The following CSPG5 variants were observed in gnomAD, a reference collection of about 807,000 sequenced individuals.
CSPG5 encodes chondroitin sulfate proteoglycan 5.
CSPG5 carries 25 observed loss-of-function variants against 39.8 expected under a neutral mutation model. The ratio of observed to expected loss-of-function variants is 0.63; its 90% CI spans 0.46 to 0.88. The LOEUF (loss-of-function observed/expected upper bound fraction) is 0.88. Ranked by LOEUF, CSPG5 falls within the 40% of genes least tolerant of loss-of-function variation. The pLI is 0.00. For synonymous variants in CSPG5, 295 were observed against 303.9 expected, an observed-to-expected ratio of 0.97 and a Z score of 0.31; for missense variants, 627 against 702.2, an observed-to-expected ratio of 0.89 and a Z score of 1.21.
At chr3:47,565,895 C>T (rs1178821882) in intron 4 of CSPG5, among the ~76,000 whole-genome samples, 1 of 152,210 alleles carries the variant, frequency 6.6e-6, no homozygotes, top group African/African-American at 2.4e-5. Context: ...CGGGCAGCTT[C>T]CTACATTCTC....
At chr3:47,571,812 G>T (rs869508) in intron 3 of CSPG5, among the ~76,000 whole-genome samples, 40,932 of 152,126 alleles carry the variant, frequency 0.27, 6,108 homozygotes, top group South Asian at 0.43. Context: ...AATTGTCTCT[G>T]GGGTCCCAAG....
At position 47,572,798 on chromosome 3, in the gene CSPG5, C is replaced by A. The variant is rs763059345; in HGVS notation, c.1270G>T (p.Val424Leu). ...SIITDFQVMC[V>L]AVGSAALVLL... ...ACGAGGGCAGCCGAGCCCACGGCCA[C>A]GCACATCACCTGGAAGTCGGTGATG... Residue 424 changes from valine to leucine, a missense_variant, in exon 3 of 5, where the codon GTG becomes TTG. Coordinates refer to ENST00000264723, the MANE Select transcript of CSPG5 (RefSeq NM_006574.4). The surrounding 1 kb of genome is among the most constrained non-coding windows in gnomAD (Gnocchi z 4.5). 3 of 1,614,116 alleles carry A rather than the reference C, an allele frequency of 1.9e-6. No homozygotes were observed. The highest frequency in any genetic ancestry group is 2.5e-6 in the Non-Finnish European group (3 of 1,179,958).
At chr3:47,571,474 C>T (rs58125955) in intron 3 of CSPG5, among the ~76,000 whole-genome samples, 2,709 of 152,358 alleles carry the variant, frequency 0.018, 69 homozygotes, top group African/African-American at 0.052. Flanking sequence ...TGCTCACCCA[C>T]CCCCTTGGTG....
rs1326123472 is a variant in CSPG5 at position 47,577,292 on chromosome 3, G to C, written c.734C>G (p.Thr245Ser). ...SENHPDTEGE[T>S]PSWSLLDLYD... ...TAAGTCAAGCAGGCTCCAGGAAGGG[G>C]TCTCTCCCTCAGTATCAGGGTGGTT... Residue 245 changes from threonine (T) to serine (S), a missense_variant, in exon 2 of 5, where the codon ACC (threonine) becomes AGC (serine). Physicochemically the swap from Thr to Ser is moderately conservative, Grantham distance 58 (BLOSUM62 1). Coordinates refer to ENST00000264723, the MANE Select transcript of CSPG5 (RefSeq NM_006574.4). The surrounding 1 kb of genome is among the most constrained non-coding windows in gnomAD (Gnocchi z 4.7). 1 of 1,613,676 alleles carries C rather than the reference G, an allele frequency of 6.2e-7. No individual in the cohort carries two copies. The highest frequency in any genetic ancestry group is 1.3e-5 in the African/African-American group (1 of 74,918).
In CSPG5 at chr3:47,562,563, C is replaced by G. The variant is rs760802417; in HGVS notation, c.*37G>C. On this transcript the variant is annotated 3_prime_UTR_variant, in exon 5 of 5. Transcript: ENST00000264723. ...AGATAATGTTTCTTCCCCTACCCCC[C>G]ACCCACTACCCCCGCTTCCTCTCTT... The G allele has an allele frequency of 1.9e-6, 3 of 1,564,382 alleles. No homozygotes were observed. Among genetic ancestry groups the G allele is most frequent in the East Asian group, 2.3e-5 (1 of 44,240 alleles).
chr3:47,569,329 C>A, intron 3 of CSPG5, 102 bp from the exon 4 acceptor site: 2 of 1,217,716 alleles, frequency 1.6e-6, no homozygotes. Context: ...TTCGGCTGGG[C>A]GTGGTGGCTC....
chr3:47,569,152 A>C lies in CSPG5; in HGVS notation c.1458T>G (p.Asn486Lys). ...GGGGAGTGTTGCAAAGTTTCCTTACATTTGGGTGAGAGCCCTCGGCAATGG... is the reference window on the plus strand; with the variant it reads ...GGGGAGTGTTGCAAAGTTTCCTTACCTTTGGGTGAGAGCCCTCGGCAATGG... ...LSTIAEGSHPNDDPSAPHKIQ... is the reference protein window; with the variant it reads ...LSTIAEGSHPKDDPSAPHKIQ... Residue 486 changes from asparagine to lysine, a missense_variant and splice_region_variant, in exon 4 of 5, where the codon AAT becomes AAG. By Grantham distance (94) the Asn-to-Lys change is moderately conservative. Coordinates refer to ENST00000264723, the MANE Select transcript of CSPG5 (RefSeq NM_006574.4). 1 of 1,610,342 alleles carries C rather than the reference A, an allele frequency of 6.2e-7. No individual in the cohort carries two copies. Among genetic ancestry groups the C allele is most frequent in the Non-Finnish European group, 8.5e-7 (1 of 1,178,474 alleles).
In CSPG5 at chr3:47,574,602, G is replaced by A. The variant is rs193241306; in HGVS notation, c.1194-1728C>T. Among the ~76,000 whole-genome samples the A allele has an allele frequency of 4.2e-3, 632 of 152,250 alleles. 5 individuals are homozygous for A. The highest frequency in any genetic ancestry group is 0.014 in the African/African-American group (596 of 41,526). ...ATGGCTGGACCACTCCAAGAACTGT[G>A]TGGTCACATCCTATGAGTGACCCTA... On this transcript the variant is annotated intron_variant, in intron 2 of 4. Coordinates refer to ENST00000264723, the MANE Select transcript of CSPG5 (RefSeq NM_006574.4).
chr3:47,572,570 G>T lies in CSPG5; in HGVS notation c.1382+116C>A, dbSNP rs2031562510. On this transcript the variant is annotated intron_variant, in intron 3 of 4. Coordinates refer to ENST00000264723, the MANE Select transcript of CSPG5 (RefSeq NM_006574.4). This position sits in a 1 kb window ranked among gnomAD's most constrained non-coding sequence, Gnocchi z 4.5. ...CACAGACAAAACAGCTGGGAATGGA[G>T]CACAGGTGCCAGAAACCCTCACGAC... 3 of 854,372 alleles carry T rather than the reference G, an allele frequency of 3.5e-6. No individual in the cohort carries two copies. The Admixed American group carries it at 6.6e-5, about 19-fold the overall frequency. The allele number at this position is 854,372 out of a possible 1,614,324, so 52.9% of individuals were successfully genotyped here.
chr3:47,579,469 C>G (rs950129471), upstream of CSPG5: 8 of 152,354 alleles, frequency 5.3e-5, no homozygotes, highest in African/African-American at 1.9e-4. The surrounding 1 kb of genome is among the most constrained non-coding windows in gnomAD (Gnocchi z 4.2). Flanking sequence ...AGATCTAATC[C>G]GTTCGCAGCC....
At chr3:47,563,736 T>C (rs2031183319) in intron 4 of CSPG5, among the ~76,000 whole-genome samples, 1 of 152,108 alleles carries the variant, frequency 6.6e-6, no homozygotes, top group South Asian at 2.1e-4. Flanking sequence ...GTATTTTCAG[T>C]AGAGATAGGG....
chr3:47,575,728 T>C (rs1211681478), intron 2 of CSPG5, among the ~76,000 whole-genome samples: 1 of 152,100 alleles, frequency 6.6e-6, no homozygotes, highest in Non-Finnish European at 1.5e-5. Flanking sequence ...CCTTTTGAGT[T>C]TGCGTGCCTA....
chr3:47,573,553 T>C (rs1288999225), intron 2 of CSPG5, among the ~76,000 whole-genome samples: 3 of 152,172 alleles, frequency 2.0e-5, no homozygotes, highest in Non-Finnish European at 4.4e-5. Context: ...GCCTTTTTGT[T>C]GAGTGACTTT....
At chr3:47,571,048 T>G (rs2031508324) in intron 3 of CSPG5, among the ~76,000 whole-genome samples, 1 of 148,992 alleles carries the variant, frequency 6.7e-6, no homozygotes, top group African/African-American at 2.5e-5. Context: ...AGCCCAGGAG[T>G]TCAAGACCAC....
At chr3:47,569,750 CTTTTTT>C (rs145182794) in intron 3 of CSPG5, among the ~76,000 whole-genome samples, 1 of 134,814 alleles carries the variant, frequency 7.4e-6, no homozygotes, top group Non-Finnish European at 1.6e-5. Context: ...CTATTCTTTT[CTTTTTT>C]TTTTTTTTTG....
rs1328012490 is a variant in CSPG5 at position 47,577,568 on chromosome 3, G to A, written c.458C>T (p.Pro153Leu). 1 of 1,610,660 alleles carries A rather than the reference G, an allele frequency of 6.2e-7. No homozygotes were observed. The highest frequency in any genetic ancestry group is 8.5e-7 in the Non-Finnish European group (1 of 1,179,200). Reference protein sequence around the residue: ...IPEATEASGPPSPTPGDKLSP... With the variant: ...IPEATEASGPLSPTPGDKLSP... ...CAGCTTGTCGCCGGGGGTGGGGGAG[G>A]GTGGCCCGCTGGCCTCTGTAGCCTC... The change falls in exon 2 of 5, where the codon CCC becomes CTC. Residue 153 changes from proline (P) to leucine (L), a missense_variant. Physicochemically the swap from Pro to Leu is moderately conservative, Grantham distance 98. Coordinates refer to ENST00000264723, the MANE Select transcript of CSPG5 (RefSeq NM_006574.4). The surrounding 1 kb of genome is among the most constrained non-coding windows in gnomAD (Gnocchi z 4.7).
intron 4 of CSPG5, among the ~76,000 whole-genome samples, chr3:47,563,399 A>G (rs1436669426): frequency 6.6e-6 from 1 of 152,202 alleles, no homozygotes; most frequent in Non-Finnish European, 1.5e-5. Flanking sequence ...GGCTGCCTCA[A>G]TGGCTTGCCA....
At chr3:47,570,747 C>T in intron 3 of CSPG5, among the ~76,000 whole-genome samples, 1 of 151,726 alleles carries the variant, frequency 6.6e-6, no homozygotes, top group East Asian at 2.0e-4. Context: ...ACCTCGTGAT[C>T]CACCCATCGT....
In CSPG5 at chr3:47,577,242, C is replaced by T. The variant is rs926194510; in HGVS notation, c.784G>A (p.Glu262Lys). 1.2e-6 allele frequency: 2 copies of T among 1,609,840 alleles called. No homozygotes were observed. The highest frequency in any genetic ancestry group is 1.3e-5 in the African/African-American group (1 of 74,850). Residue 262 changes from glutamate (E) to lysine (K), a missense_variant, in exon 2 of 5, where the codon GAA becomes AAA. Glu to Lys is a moderately conservative substitution (Grantham distance 56). Transcript: ENST00000264723. This position sits in a 1 kb window ranked among gnomAD's most constrained non-coding sequence, Gnocchi z 4.7. Reference protein sequence around the residue: ...DLYDDFTPFDESDFYPTTSFY... With the variant: ...DLYDDFTPFDKSDFYPTTSFY... ...GATGTGGTGGGGTAGAAATCAGATT[C>T]ATCGAAGGGGGTGAAATCATCGTAT...
Sources: gnomAD v4.1 joint callset for allele counts (sites outside exome capture counted in the v4.1 genomes callset) on GRCh38, gnomAD v4.1.1 for gene constraint, Gnocchi (gnomAD v3.1) non-coding constraint, MANE v1.5 for transcripts, NCBI Gene and HGNC (gene_info 2026-07-23, HGNC 2026-07-21) for gene names.